PCDHGB6: variants seen among roughly 807,000 people sequenced by gnomAD.
PCDHGB6 encodes protocadherin gamma-B6.
In PCDHGB6, 51 loss-of-function variants were observed where a neutral mutation model predicts 59.1. The observed-to-expected ratio is 0.86, with a 90% confidence interval of 0.69 to 1.09. The LOEUF is 1.09. Ranked by LOEUF, PCDHGB6 falls within the 50% of genes least tolerant of loss-of-function variation. The pLI is 0.00. For missense variants in PCDHGB6, 1,148 were observed against 1,205.1 expected (o/e 0.95, Z 0.70); for synonymous variants, 466 against 495.1 (o/e 0.94, Z 0.78).
chr5:141,487,013 C>T lies in PCDHGB6; in HGVS notation c.2419-7794C>T. ...GGTTTCCTATCAGCTCCTGGAGGCC[C>T]CAGATCCCAGCCTGTTTGCAGTCTC... On this transcript the variant is annotated intron_variant, in intron 1 of 3. Coordinates refer to ENST00000520790, the MANE Select transcript of PCDHGB6 (RefSeq NM_018926.3). The surrounding 1 kb of genome is among the most constrained non-coding windows in gnomAD (Gnocchi z 5.0). The T allele has an allele frequency of 1.2e-6, 2 of 1,614,220 alleles. No individual in the cohort carries two copies. Among genetic ancestry groups the T allele is most frequent in the Non-Finnish European group, 1.7e-6 (2 of 1,180,040 alleles).
At chr5:141,478,468 C>A (rs2099457906) in intron 1 of PCDHGB6, 2 of 1,613,800 alleles carry the variant, frequency 1.2e-6, no homozygotes, top group Admixed American at 1.7e-5. Flanking sequence ...CACTGGCCAG[C>A]CGCCAGAACA....
In PCDHGB6 at chr5:141,487,406, C is replaced by T; in HGVS notation, c.2419-7401C>T. The T allele has an allele frequency of 6.2e-7, 1 of 1,614,200 alleles. No individual in the cohort carries two copies. The highest frequency in any genetic ancestry group is 8.5e-7 in the Non-Finnish European group (1 of 1,180,044). ...ATCTCGAAGGAGGGAGGGGCTTCCC[C>T]CTTCCAATGGGATCCTCCGAATCCA... On this transcript the variant is annotated intron_variant, in intron 1 of 3. Coordinates refer to ENST00000520790, the MANE Select transcript of PCDHGB6 (RefSeq NM_018926.3). The surrounding 1 kb of genome is among the most constrained non-coding windows in gnomAD (Gnocchi z 5.0).
intron 1 of PCDHGB6, among the ~76,000 whole-genome samples, chr5:141,472,994 A>AAAAG (rs1425445230): frequency 1.3e-5 from 2 of 151,692 alleles, no homozygotes; most frequent in Non-Finnish European, 2.9e-5. Context: ...AAAAAAAAAA[A>AAAAG]AAAGAAAGAA....
chr5:141,418,908 C>G, intron 1 of PCDHGB6: 3 of 1,613,932 alleles, frequency 1.9e-6, no homozygotes, highest in Non-Finnish European at 2.5e-6. Flanking sequence ...ATAATCATCA[C>G]GTCACTCTCT....
Position 141,490,685 on chromosome 5 carries a change from A to G in PCDHGB6, c.2419-4122A>G, listed in dbSNP as rs2099703028. On this transcript the variant is annotated intron_variant, in intron 1 of 3. Coordinates refer to ENST00000520790, the MANE Select transcript of PCDHGB6 (RefSeq NM_018926.3). The surrounding 1 kb of genome is among the most constrained non-coding windows in gnomAD (Gnocchi z 5.4). ...TGCACTGTGGCTGCCTCAGATCCAGACACTGGGGATAATGCCCGCCTCACC... is the reference window on the plus strand; with the variant it reads ...TGCACTGTGGCTGCCTCAGATCCAGGCACTGGGGATAATGCCCGCCTCACC... The G allele has an allele frequency of 1.9e-6, 3 of 1,614,030 alleles. No individual in the cohort carries two copies. Among genetic ancestry groups the G allele is most frequent in the South Asian group, 2.2e-5 (2 of 91,082 alleles).
intron 1 of PCDHGB6, chr5:141,414,939 C>T (rs773327918): frequency 2.5e-6 from 4 of 1,614,090 alleles, no homozygotes; most frequent in Admixed American, 1.7e-5. Context: ...CCGCAGAGCC[C>T]GGCTACCTGG....
intron 1 of PCDHGB6, among the ~76,000 whole-genome samples, chr5:141,468,946 C>T (rs1437282358): frequency 7.0e-6 from 1 of 141,900 alleles, no homozygotes; most frequent in East Asian, 2.0e-4. Context: ...ATGGGGTAAA[C>T]CTGTGGTTTT....
rs201458212 is a variant in PCDHGB6 at position 141,487,439 on chromosome 5, T to A, written c.2419-7368T>A. On this transcript the variant is annotated intron_variant, in intron 1 of 3. Coordinates refer to ENST00000520790, the MANE Select transcript of PCDHGB6 (RefSeq NM_018926.3). The surrounding 1 kb of genome is among the most constrained non-coding windows in gnomAD (Gnocchi z 5.0). ...TGGGATCCTCCGAATCCAGCTAGGG[T>A]CAGATGACCCTATCAAGTTTGTTGA... The A allele has an allele frequency of 1.5e-4, 242 of 1,613,808 alleles. No individual in the cohort carries two copies. Among genetic ancestry groups the A allele is most frequent in the Non-Finnish European group, 1.9e-4 (230 of 1,179,978 alleles).
At chr5:141,454,997 A>G (rs2098809547) in intron 1 of PCDHGB6, among the ~76,000 whole-genome samples, 2 of 151,192 alleles carry the variant, frequency 1.3e-5, no homozygotes, top group Admixed American at 6.6e-5. Flanking sequence ...TATTTTTAGT[A>G]GAGACGGGGT....
chr5:141,501,326 CA>C (rs1562200763), intron 2 of PCDHGB6, among the ~76,000 whole-genome samples: 18 of 151,784 alleles, frequency 1.2e-4, no homozygotes, highest in African/African-American at 1.9e-4. Flanking sequence ...CACACACACA[CA>C]CACACACCCC....
chr5:141,511,002 C>T lies in PCDHGB6; in HGVS notation c.2622C>T (p.Ser874=), dbSNP rs143630962. 77 of 1,614,140 alleles carry T rather than the reference C, an allele frequency of 4.8e-5. No individual in the cohort carries two copies. Among genetic ancestry groups the T allele is most frequent in the South Asian group, 2.1e-4 (19 of 91,080 alleles). ...GGGGTGCCGGCACCATGGGATTGAG[C>T]GCCCGCTACGGACCCCAGTTCACCC... The part of the protein sequence containing the change: ...LGGGAGTMGL[S]ARYGPQFTLQ... Residue 874 remains serine (S), a synonymous_variant, in exon 4 of 4, where the codon AGC becomes AGT. Coordinates refer to ENST00000520790, the MANE Select transcript of PCDHGB6 (RefSeq NM_018926.3).
intron 2 of PCDHGB6, among the ~76,000 whole-genome samples, chr5:141,503,940 C>G (rs890249753): frequency 6.6e-6 from 1 of 152,218 alleles, no homozygotes; most frequent in Non-Finnish European, 1.5e-5. Flanking sequence ...TTCATGCCTT[C>G]AAGGCCTACC....
chr5:141,457,422 TC>T (rs1038085994), intron 1 of PCDHGB6, among the ~76,000 whole-genome samples: 1 of 151,626 alleles, frequency 6.6e-6, no homozygotes, highest in African/African-American at 2.4e-5. Context: ...CATCCCTTTT[TC>T]CCCCCCACCA....
chr5:141,422,777 C>CCCTACAAT, intron 1 of PCDHGB6: 2 of 1,613,982 alleles, frequency 1.2e-6, no homozygotes, highest in Non-Finnish European at 1.7e-6. Context: ...GTTCTCTATG[C>CCCTACAAT]CCTACAATCC....
intron 1 of PCDHGB6, chr5:141,433,024 C>A: frequency 6.2e-7 from 1 of 1,614,168 alleles, no homozygotes; most frequent in African/African-American, 1.3e-5. Flanking sequence ...CCTATTCCCA[C>A]GAGGTTTCCC....
At chr5:141,448,150 C>T (rs1182411283) in intron 1 of PCDHGB6, among the ~76,000 whole-genome samples, 4 of 151,924 alleles carry the variant, frequency 2.6e-5, no homozygotes, top group Non-Finnish European at 5.9e-5. Flanking sequence ...CTCAGACTCA[C>T]CCCTGAAAGA....
Position 141,489,179 on chromosome 5 carries a change from C to T in PCDHGB6, c.2419-5628C>T. ...AGACTTCAGCTGCTGCATTCCAAGC[C>T]CTGGGTCTACCTTGGAGACAGGACA... On this transcript the variant is annotated intron_variant, in intron 1 of 3. Coordinates refer to ENST00000520790, the MANE Select transcript of PCDHGB6 (RefSeq NM_018926.3). The surrounding 1 kb of genome is among the most constrained non-coding windows in gnomAD (Gnocchi z 4.5). The T allele has an allele frequency of 8.0e-7, 1 of 1,243,186 alleles. No individual in the cohort carries two copies. The highest frequency in any genetic ancestry group is 1.1e-6 in the Non-Finnish European group (1 of 890,032). The allele number at this position is 1,243,186 out of a possible 1,614,324, so 77.0% of individuals were successfully genotyped here. A position where few individuals can be genotyped will look rare whatever the true frequency, so the allele number is the denominator to read the frequency against.
Position 141,489,417 on chromosome 5 carries a change from G to A in PCDHGB6, c.2419-5390G>A, listed in dbSNP as rs1020232739. On this transcript the variant is annotated intron_variant, in intron 1 of 3. Coordinates refer to ENST00000520790, the MANE Select transcript of PCDHGB6 (RefSeq NM_018926.3). This position sits in a 1 kb window ranked among gnomAD's most constrained non-coding sequence, Gnocchi z 4.5. ...ATCTGGGCTTAAAGATGACAGATCT[G>A]TTGAGCCGGCGGCTGCAATTGGGCT... The A allele has an allele frequency of 1.2e-6, 2 of 1,614,172 alleles. No individual in the cohort carries two copies. The highest frequency in any genetic ancestry group is 3.3e-5 in the Admixed American group (2 of 60,030).
At chr5:141,464,729 G>T (rs1412585185) in intron 1 of PCDHGB6, among the ~76,000 whole-genome samples, 1 of 151,948 alleles carries the variant, frequency 6.6e-6, no homozygotes, top group Non-Finnish European at 1.5e-5. Context: ...ATGTTTAAAA[G>T]CCAGTTTATA....
Sources: allele counts gnomAD v4.1 joint callset (sites outside exome capture counted in the v4.1 genomes callset), GRCh38; gene constraint gnomAD v4.1.1; non-coding constraint Gnocchi (gnomAD v3.1); transcripts MANE v1.5; gene names NCBI Gene and HGNC (gene_info 2026-07-23, HGNC 2026-07-21).